The following CWF19L2 variants were observed in gnomAD, a reference collection of about 807,000 sequenced individuals.
The protein encoded by CWF19L2 is CWF19-like protein 2.
In CWF19L2, 98 loss-of-function variants were observed where a neutral mutation model predicts 111.7. That is an observed-to-expected ratio of 0.88 (90% CI 0.75 to 1.04). The LOEUF (loss-of-function observed/expected upper bound fraction) is 1.04. Ranked by LOEUF, CWF19L2 falls within the 50% of genes least tolerant of loss-of-function variation. CWF19L2 has a pLI of 0.00. For synonymous variants in CWF19L2, 351 were observed against 342.9 expected (o/e 1.02, Z -0.26); for missense variants, 1,101 against 1,051.4 (o/e 1.05, Z -0.65).
chr11:107,413,236 T>C (rs542219623), intron 10 of CWF19L2, among the ~76,000 whole-genome samples: 1 of 152,246 alleles, frequency 6.6e-6, no homozygotes, highest in East Asian at 1.9e-4. Flanking sequence ...AGGAAGTGTA[T>C]GGGAAATGTG....
chr11:107,454,388 G>A (rs1380335119), intron 3 of CWF19L2, 62 bp downstream of exon 3: 2 of 1,212,846 alleles, frequency 1.6e-6, no homozygotes, highest in Non-Finnish European at 2.1e-6. Context: ...CTTCCCATAA[G>A]TTACACATTC....
chr11:107,429,569 G>A, intron 7 of CWF19L2, 118 bp from the exon 8 acceptor site: 4 of 672,938 alleles, frequency 5.9e-6, no homozygotes, highest in Admixed American at 3.2e-5. Flanking sequence ...CCACTAACGG[G>A]GTGAAAGAAG....
chr11:107,402,873 G>GTGTATATATATATATATATATA (rs1247886311), intron 10 of CWF19L2, among the ~76,000 whole-genome samples: 47 of 94,394 alleles, frequency 5.0e-4, no homozygotes, highest in African/African-American at 2.1e-3. Context: ...ACTGTGGTGT[G>GTGTATATATATATATATATATA]TATATATATA....
At chr11:107,381,723 T>C (rs1168739501) in intron 12 of CWF19L2, among the ~76,000 whole-genome samples, 2 of 152,144 alleles carry the variant, frequency 1.3e-5, no homozygotes, top group Non-Finnish European at 2.9e-5. Flanking sequence ...CTGATATTAG[T>C]AGTTTACTGA....
chr11:107,370,574 C>A lies in CWF19L2; in HGVS notation c.1873-16838G>T, dbSNP rs967813725. Among the ~76,000 whole-genome samples, 3 of 135,004 alleles carry A rather than the reference C, an allele frequency of 2.2e-5. 1 individual carries two copies. The highest frequency in any genetic ancestry group is 8.9e-5 in the African/African-American group (3 of 33,570). 88.6% of individuals were successfully genotyped at this position (135,004 alleles called of 152,430 possible). ...GAAAAAAAAAAAACAACTGCATGGC[C>A]TGGGAAAAGAGAAGAAATCACTGAG... On this transcript the variant is annotated intron_variant, in intron 12 of 17. Transcript: ENST00000282251.
chr11:107,328,940 G>A (rs946008036), intron 17 of CWF19L2, among the ~76,000 whole-genome samples: 1 of 152,114 alleles, frequency 6.6e-6, no homozygotes, highest in Non-Finnish European at 1.5e-5. Flanking sequence ...ACCCACTAAG[G>A]ACAAGAGCAT....
intron 3 of CWF19L2, among the ~76,000 whole-genome samples, chr11:107,451,753 A>T (rs1009834551): frequency 6.6e-6 from 1 of 152,204 alleles, no homozygotes; most frequent in African/African-American, 2.4e-5. Flanking sequence ...GAAAGTATTT[A>T]ACACAACTAT....
At chr11:107,350,568 G>C (rs752533499) in intron 13 of CWF19L2, among the ~76,000 whole-genome samples, 1 of 152,092 alleles carries the variant, frequency 6.6e-6, no homozygotes, top group Non-Finnish European at 1.5e-5. Flanking sequence ...ACCGATCTTG[G>C]ACTTCCCAGC....
intron 12 of CWF19L2, among the ~76,000 whole-genome samples, chr11:107,372,950 C>T (rs1230170552): frequency 8.6e-6 from 1 of 116,282 alleles, no homozygotes; most frequent in Non-Finnish European, 1.7e-5. Flanking sequence ...CAAGGCATTG[C>T]CTCACTTGGG....
intron 12 of CWF19L2, among the ~76,000 whole-genome samples, chr11:107,362,736 A>C (rs1285095886): frequency 6.6e-6 from 1 of 151,410 alleles, no homozygotes; most frequent in African/African-American, 2.4e-5. Flanking sequence ...AACAGAACAG[A>C]AAAACTGGAA....
intron 12 of CWF19L2, among the ~76,000 whole-genome samples, chr11:107,369,931 C>T (rs1459703255): frequency 2.9e-5 from 4 of 137,626 alleles, no homozygotes; most frequent in Non-Finnish European, 6.2e-5. Flanking sequence ...TTTTTAGAGA[C>T]GGGATCTCAC....
intron 9 of CWF19L2, among the ~76,000 whole-genome samples, chr11:107,417,294 T>G (rs182822257): frequency 1.3e-5 from 2 of 152,334 alleles, no homozygotes; most frequent in Admixed American, 1.3e-4. Context: ...GTATATTATT[T>G]TAATATGCAT....
At chr11:107,451,860 A>G (rs1367042287) in intron 3 of CWF19L2, among the ~76,000 whole-genome samples, 1 of 152,228 alleles carries the variant, frequency 6.6e-6, no homozygotes, top group African/African-American at 2.4e-5. Context: ...ATGCAAAAAA[A>G]GCACTTACCA....
intron 10 of CWF19L2, among the ~76,000 whole-genome samples, chr11:107,394,378 GC>G (rs1565266555): frequency 1.3e-5 from 2 of 152,146 alleles, no homozygotes; most frequent in East Asian, 3.9e-4. Flanking sequence ...TTATAAGCTG[GC>G]ATCTAACTTT....
intron 16 of CWF19L2, among the ~76,000 whole-genome samples, chr11:107,330,471 T>G (rs1029935574): frequency 8.5e-5 from 13 of 152,122 alleles, no homozygotes; most frequent in Non-Finnish European, 1.5e-4. Flanking sequence ...AGATAAATTA[T>G]ACAAAAACAA....
At chr11:107,425,826 T>C (rs907710896) in intron 8 of CWF19L2, among the ~76,000 whole-genome samples, 1 of 151,940 alleles carries the variant, frequency 6.6e-6, no homozygotes, top group Admixed American at 6.6e-5. Flanking sequence ...TAGTTTCTGA[T>C]ATTAAATTTG....
intron 12 of CWF19L2, among the ~76,000 whole-genome samples, chr11:107,362,388 A>G (rs1309370670): frequency 6.6e-6 from 1 of 151,864 alleles, no homozygotes; most frequent in Non-Finnish European, 1.5e-5. Context: ...AACAAACAAA[A>G]AGACAGCAGT....
intron 9 of CWF19L2, 144 bp from the exon 10 acceptor site, chr11:107,416,442 C>A: frequency 2.7e-6 from 1 of 368,106 alleles, no homozygotes; most frequent in Non-Finnish European, 4.8e-6. Flanking sequence ...CAACCCATAG[C>A]CTAGTATACT....
intron 12 of CWF19L2, among the ~76,000 whole-genome samples, chr11:107,355,267 T>C (rs2134548517): frequency 6.6e-6 from 1 of 151,884 alleles, no homozygotes; most frequent in South Asian, 2.1e-4. Flanking sequence ...AATACAAAAG[T>C]AGCCGGGCGT....
Sources: gnomAD v4.1 joint callset for allele counts (sites outside exome capture counted in the v4.1 genomes callset) on GRCh38, gnomAD v4.1.1 for gene constraint, MANE v1.5 for transcripts, NCBI Gene and HGNC (gene_info 2026-07-23, HGNC 2026-07-21) for gene names.